RALGPS2: variants seen among roughly 807,000 people sequenced by gnomAD.
RALGPS2 encodes the protein ras-specific guanine nucleotide-releasing factor RalGPS2.
In RALGPS2, 43 loss-of-function variants were observed where a neutral mutation model predicts 86.8. The observed-to-expected ratio is 0.50, with a 90% CI of 0.39 to 0.64. RALGPS2 has a LOEUF of 0.64. Among genes scored for constraint, RALGPS2 ranks in the 30% least tolerant of loss-of-function variants. The pLI is 0.00. For synonymous variants in RALGPS2, 243 were observed against 231.3 expected (o/e 1.05, Z -0.46); for missense variants, 536 against 694.6 (o/e 0.77, Z 2.57).
At chr1:178,853,281 C>T (rs1238852590) in intron 8 of RALGPS2, 2 of 909,602 alleles carry the variant, frequency 2.2e-6, no homozygotes, top group African/African-American at 1.8e-5. Flanking sequence ...AAAAAGGGTT[C>T]CTGGTCTCTC....
chr1:178,898,964 G>A (rs1356336054), intron 17 of RALGPS2, among the ~76,000 whole-genome samples: 1 of 151,936 alleles, frequency 6.6e-6, no homozygotes, highest in East Asian at 1.9e-4. Flanking sequence ...GATTCATTCA[G>A]TTCAATTAAA....
At chr1:178,838,878 A>G (rs961634285) in intron 8 of RALGPS2, among the ~76,000 whole-genome samples, 1 of 152,258 alleles carries the variant, frequency 6.6e-6, no homozygotes, top group African/African-American at 2.4e-5. Context: ...CACAAGCTTC[A>G]GTAGCCTATT....
intron 1 of RALGPS2, chr1:178,747,259 C>T (rs1374241365): frequency 6.6e-7 from 1 of 1,507,680 alleles, no homozygotes. Flanking sequence ...TCACTTTAAA[C>T]AAGAAATTGA....
At chr1:178,901,809 A>G (rs1180392191) in intron 17 of RALGPS2, among the ~76,000 whole-genome samples, 4 of 152,032 alleles carry the variant, frequency 2.6e-5, no homozygotes, top group Non-Finnish European at 5.9e-5. Context: ...TTCAGAAAAA[A>G]AACAACAGAT....
rs772788767 is a variant in RALGPS2, at chr1:178,892,263, A to C, written c.1281A>C (p.Thr427=). Residue 427 remains threonine, a synonymous_variant, in exon 15 of 20, where the codon ACA becomes ACC. Coordinates refer to ENST00000367635, the MANE Select transcript of RALGPS2 (RefSeq NM_152663.5). ...TATACCATTCTCTCGGCCCGGTGACAAGAGTGGCACGAAATGGCTATCGAA... is the reference window on the plus strand; with the variant it reads ...TATACCATTCTCTCGGCCCGGTGACCAGAGTGGCACGAAATGGCTATCGAA... The part of the protein sequence containing the change: ...NRLYHSLGPV[T]RVARNGYRSH... The C allele has an allele frequency of 6.2e-7, 1 of 1,612,702 alleles. No homozygotes were observed. The highest frequency in any genetic ancestry group is 8.5e-7 in the Non-Finnish European group (1 of 1,179,116).
chr1:178,881,055 T>C (rs1308597354), intron 10 of RALGPS2, among the ~76,000 whole-genome samples: 1 of 152,210 alleles, frequency 6.6e-6, no homozygotes, highest in Non-Finnish European at 1.5e-5. Flanking sequence ...GGCCAGTTAC[T>C]GTGCTAGTTG....
At chr1:178,833,044 A>G (rs149487894) in intron 7 of RALGPS2, among the ~76,000 whole-genome samples, 164 of 152,224 alleles carry the variant, frequency 1.1e-3, no homozygotes, top group African/African-American at 3.8e-3. Flanking sequence ...TTATGCAAGA[A>G]TGATGTTTAT....
At chr1:178,893,453 C>CT (rs71569219) in intron 15 of RALGPS2, among the ~76,000 whole-genome samples, 8,068 of 116,254 alleles carry the variant, frequency 0.069, 253 homozygotes, top group African/African-American at 0.098. Flanking sequence ...AGCATGTTTT[C>CT]TTTTTTTTTT....
intron 1 of RALGPS2, among the ~76,000 whole-genome samples, chr1:178,775,311 A>G (rs907726493): frequency 2.6e-5 from 4 of 152,178 alleles, no homozygotes; most frequent in African/African-American, 7.2e-5. Flanking sequence ...TTAAATCACT[A>G]TATCCTATAT....
chr1:178,864,618 GA>G (rs1443709977), intron 8 of RALGPS2, among the ~76,000 whole-genome samples: 1 of 152,172 alleles, frequency 6.6e-6, no homozygotes, highest in African/African-American at 2.4e-5. Context: ...GACCTAGCTA[GA>G]AGCTGATAGG....
At chr1:178,856,198 GAGAGATATATAT>G (rs1657537035) in intron 8 of RALGPS2, among the ~76,000 whole-genome samples, 4 of 47,268 alleles carry the variant, frequency 8.5e-5, no homozygotes, top group African/African-American at 2.5e-4. Flanking sequence ...TCCAGAGAGA[GAGAGATATATAT>G]ATATATATAT....
intron 6 of RALGPS2, among the ~76,000 whole-genome samples, chr1:178,819,892 T>C (rs1226978100): frequency 6.6e-6 from 1 of 152,122 alleles, no homozygotes; most frequent in Admixed American, 6.5e-5. Context: ...TATGCCACCT[T>C]CTGCTCCCTG....
intron 8 of RALGPS2, among the ~76,000 whole-genome samples, chr1:178,842,495 ATCAAT>A (rs1266852070): frequency 1.3e-4 from 3 of 22,390 alleles, no homozygotes; most frequent in African/African-American, 4.0e-4. Context: ...TTATACAAAA[ATCAAT>A]TCAAGATGGA....
intron 8 of RALGPS2, chr1:178,851,056 C>A: frequency 1.4e-6 from 2 of 1,397,376 alleles, no homozygotes; most frequent in South Asian, 1.5e-5. Context: ...AAGTAATATA[C>A]ATGTAACATT....
rs1647329369 is a variant in RALGPS2, at chr1:178,921,692, G to A, written c.*5333G>A. The A allele has an allele frequency of 6.6e-6, 1 of 152,068 alleles. No homozygotes were observed. The highest frequency in any genetic ancestry group is 6.6e-5 in the Admixed American group (1 of 15,258). 9.4% of individuals were successfully genotyped at this position (152,068 alleles called of 1,614,324 possible). ...TTGCACTATGACCTCCTTGAGTGATGTGCAGCTTGGTTCCTCTCTCACTTT... is the reference window on the plus strand; with the variant it reads ...TTGCACTATGACCTCCTTGAGTGATATGCAGCTTGGTTCCTCTCTCACTTT... On this transcript the variant is annotated 3_prime_UTR_variant, in exon 20 of 20. Transcript: ENST00000367635.
chr1:178,746,980 C>T (rs1299064737), intron 1 of RALGPS2: 2 of 975,496 alleles, frequency 2.1e-6, no homozygotes, highest in African/African-American at 3.1e-5. Flanking sequence ...AAGTTCTTTC[C>T]ATCGTTTCTG....
chr1:178,774,421 C>T (rs535106403), intron 1 of RALGPS2, among the ~76,000 whole-genome samples: 1 of 152,226 alleles, frequency 6.6e-6, no homozygotes, highest in South Asian at 2.1e-4. Flanking sequence ...AAAGATATAA[C>T]TCCTTTACCT....
intron 8 of RALGPS2, among the ~76,000 whole-genome samples, chr1:178,836,375 T>C (rs1042404925): frequency 1.3e-5 from 2 of 152,170 alleles, no homozygotes; most frequent in Admixed American, 6.5e-5. Flanking sequence ...CTCCAATGAC[T>C]CCTTCTTTTT....
At chr1:178,893,783 G>A (rs1659819407) in intron 15 of RALGPS2, 136 bp from the exon 16 acceptor site, 1 of 584,490 alleles carries the variant, frequency 1.7e-6, no homozygotes, top group Admixed American at 3.3e-5. Context: ...TAAACCTTTA[G>A]AATTGTCAGT....
Sources: allele counts gnomAD v4.1 joint callset (sites outside exome capture counted in the v4.1 genomes callset), GRCh38; gene constraint gnomAD v4.1.1; transcripts MANE v1.5; gene names NCBI Gene and HGNC (gene_info 2026-07-23, HGNC 2026-07-21).